RNF2: variants seen among roughly 807,000 people sequenced by gnomAD.
The protein encoded by RNF2 is E3 ubiquitin-protein ligase RING2.
In RNF2, 6 loss-of-function variants were observed where a neutral mutation model predicts 37.2. The observed-to-expected ratio is 0.16, with a 90% confidence interval of 0.09 to 0.32. RNF2 has a LOEUF of 0.32. RNF2 is among the 10% of genes least tolerant of loss of function. RNF2 has a pLI of 1.00. For synonymous variants in RNF2, 133 were observed against 132.7 expected (o/e 1.00, Z -0.02); for missense variants, 251 against 404.0 (o/e 0.62, Z 3.25).
At chr1:185,095,699 ATAT>A (rs1651892001) in intron 4 of RNF2, among the ~76,000 whole-genome samples, 1 of 152,166 alleles carries the variant, frequency 6.6e-6, no homozygotes, top group South Asian at 2.1e-4. Context: ...TTCTTCCTTT[ATAT>A]TGAATTAAAA....
chr1:185,085,910 C>T (rs1651583290), intron 1 of RNF2, among the ~76,000 whole-genome samples: 1 of 152,144 alleles, frequency 6.6e-6, no homozygotes, highest in African/African-American at 2.4e-5. Flanking sequence ...CCTTGGCCTT[C>T]CAAAGTGCTG....
chr1:185,053,447 G>A (rs371198643), intron 1 of RNF2, among the ~76,000 whole-genome samples: 5 of 151,650 alleles, frequency 3.3e-5, no homozygotes, highest in Non-Finnish European at 5.9e-5. Context: ...TGATCCTCCC[G>A]CCTCAGCCGC....
intron 1 of RNF2, among the ~76,000 whole-genome samples, chr1:185,051,956 A>G (rs1302341435): frequency 6.8e-6 from 1 of 147,386 alleles, no homozygotes; most frequent in East Asian, 2.0e-4. Context: ...ATTTTTACAT[A>G]TATATATATA....
At chr1:185,088,038 A>G (rs2102195325) in intron 2 of RNF2, among the ~76,000 whole-genome samples, 1 of 152,356 alleles carries the variant, frequency 6.6e-6, no homozygotes, top group South Asian at 2.1e-4. Context: ...AGCAGGTTTG[A>G]AGGCAACAAA....
intron 1 of RNF2, among the ~76,000 whole-genome samples, chr1:185,082,345 C>CTTTTTTTTTTTTTTTGTTT (rs1651444625): frequency 1.4e-5 from 1 of 72,000 alleles, no homozygotes; most frequent in Non-Finnish European, 2.9e-5. Flanking sequence ...CTCTGCAGAA[C>CTTTTTTTTTTTTTTTGTTT]TTTTTTTTTT....
intron 1 of RNF2, among the ~76,000 whole-genome samples, chr1:185,084,840 A>G (rs1224545308): frequency 6.6e-6 from 1 of 152,220 alleles, no homozygotes; most frequent in Non-Finnish European, 1.5e-5. Context: ...GCAGGTGTCT[A>G]ATAATGCTTA....
At chr1:185,097,779 C>G (rs1027779832) in intron 4 of RNF2, among the ~76,000 whole-genome samples, 7 of 152,238 alleles carry the variant, frequency 4.6e-5, no homozygotes, top group African/African-American at 1.7e-4. Context: ...TCAAGCTCCT[C>G]CCATCTTGGC....
chr1:185,099,181 A>G (rs1652006007), intron 5 of RNF2, among the ~76,000 whole-genome samples: 1 of 150,942 alleles, frequency 6.6e-6, no homozygotes, highest in East Asian at 1.9e-4. Context: ...CCTCCCAAGT[A>G]GCTGGGATTA....
intron 1 of RNF2, among the ~76,000 whole-genome samples, chr1:185,047,991 A>G (rs982198944): frequency 2.6e-5 from 4 of 152,206 alleles, no homozygotes; most frequent in African/African-American, 9.6e-5. Context: ...GTACAAAGGT[A>G]TAATAGCATT....
chr1:185,050,974 C>T (rs1036317880), intron 1 of RNF2, among the ~76,000 whole-genome samples: 6 of 152,210 alleles, frequency 3.9e-5, no homozygotes, highest in African/African-American at 1.4e-4. Flanking sequence ...ATTGTCCACT[C>T]TTTGTTGTCT....
At chr1:185,086,491 G>A (rs567614444) in intron 1 of RNF2, among the ~76,000 whole-genome samples, 7 of 152,252 alleles carry the variant, frequency 4.6e-5, no homozygotes, top group Non-Finnish European at 8.8e-5. Context: ...AATCAGCGTG[G>A]TGAGGAGACT....
intron 4 of RNF2, among the ~76,000 whole-genome samples, chr1:185,094,404 G>C (rs1478941297): frequency 6.6e-6 from 1 of 152,124 alleles, no homozygotes; most frequent in East Asian, 1.9e-4. Context: ...GCCTCCCAAA[G>C]TGCTGAGATT....
At chr1:185,088,170 T>G (rs1310420560) in intron 2 of RNF2, among the ~76,000 whole-genome samples, 5 of 152,168 alleles carry the variant, frequency 3.3e-5, no homozygotes, top group Non-Finnish European at 5.9e-5. Flanking sequence ...ACAGCACATT[T>G]TAAGCAATAA....
intron 1 of RNF2, among the ~76,000 whole-genome samples, chr1:185,077,420 A>G (rs976007128): frequency 3.9e-5 from 6 of 152,092 alleles, no homozygotes; most frequent in African/African-American, 1.4e-4. Context: ...GAATGTGTCA[A>G]AAGTTTTAAC....
intron 1 of RNF2, among the ~76,000 whole-genome samples, chr1:185,045,919 C>G (rs903647791): frequency 6.6e-6 from 1 of 151,938 alleles, no homozygotes. Context: ...AGCGAAGCGC[C>G]GGGATTCCTT....
chr1:185,066,423 AC>A (rs1650802119), intron 1 of RNF2, among the ~76,000 whole-genome samples: 2 of 152,104 alleles, frequency 1.3e-5, no homozygotes, highest in Non-Finnish European at 1.5e-5. Context: ...CGCTTGGTTA[AC>A]TTTCACTTCA....
In RNF2 at chr1:185,093,054, T is replaced by G; in HGVS notation, c.249-7T>G. On this transcript the variant is annotated splice_region_variant and splice_polypyrimidine_tract_variant and intron_variant, in intron 3 of 6. Transcript: ENST00000367510. Reference sequence around the variant, plus strand: ...GTTTACATTTGCTTTCCCCTCCTTTTATTTAGCAACAAAGAATGTCCTACC... The same window carrying G: ...GTTTACATTTGCTTTCCCCTCCTTTGATTTAGCAACAAAGAATGTCCTACC... 4 of 1,613,456 alleles carry G rather than the reference T, an allele frequency of 2.5e-6. No individual in the cohort carries two copies. Among genetic ancestry groups the G allele is most frequent in the Non-Finnish European group, 2.5e-6 (3 of 1,179,602 alleles).
chr1:185,081,007 G>T (rs537163973), intron 1 of RNF2, among the ~76,000 whole-genome samples: 2 of 152,272 alleles, frequency 1.3e-5, no homozygotes, highest in African/African-American at 4.8e-5. Context: ...AATTCCTCCT[G>T]AGTAGTTTTG....
At chr1:185,096,562 T>C (rs568833031) in intron 4 of RNF2, among the ~76,000 whole-genome samples, 1 of 147,826 alleles carries the variant, frequency 6.8e-6, no homozygotes, top group African/African-American at 2.5e-5. Flanking sequence ...ACTTTTGGGG[T>C]TTTTTTTTTG....
Sources: gnomAD v4.1 joint callset for allele counts (sites outside exome capture counted in the v4.1 genomes callset) on GRCh38, gnomAD v4.1.1 for gene constraint, MANE v1.5 for transcripts, NCBI Gene and HGNC (gene_info 2026-07-23, HGNC 2026-07-21) for gene names.